The following ITIH6 variants were observed in gnomAD, a reference collection of about 807,000 sequenced individuals.
ITIH6 encodes the protein inter-alpha-trypsin inhibitor heavy chain H6.
ITIH6 carries 60 observed loss-of-function variants against 58.2 expected under a neutral mutation model. That is an observed-to-expected ratio of 1.03 (90% confidence interval 0.84 to 1.28). ITIH6 has a LOEUF of 1.28. ITIH6 is among the 50% of genes most tolerant of loss of function. The pLI, the probability that ITIH6 is intolerant of heterozygous loss-of-function variation, is 0.00. For synonymous variants in ITIH6, 493 were observed against 417.4 expected, an observed-to-expected ratio of 1.18 and a Z score of -2.21; for missense variants, 1,290 against 1,021.1, an observed-to-expected ratio of 1.26 and a Z score of -3.59.
chrX:54,753,798 G>T, intron 10 of ITIH6, 34 bp from the exon 11 acceptor site: 1 of 1,133,711 alleles, frequency 8.8e-7, no homozygotes, highest in Non-Finnish European at 1.2e-6. Context: ...TAAAGTTAAA[G>T]GAATAAATGG....
Position 54,758,050 on chromosome X carries a change from G to A in ITIH6, c.2024C>T (p.Thr675Ile), listed in dbSNP as rs1225680541. The A allele has an allele frequency of 8.3e-7, 1 of 1,209,474 alleles. No individual in the cohort carries two copies. The highest frequency in any genetic ancestry group is 3.0e-5 in the East Asian group (1 of 33,775). Residue 675 changes from threonine (T) to isoleucine (I), a missense_variant, in exon 8 of 13, where the codon ACT becomes ATT. Physicochemically the swap from Thr to Ile is moderately conservative, Grantham distance 89. Coordinates refer to ENST00000218436, the MANE Select transcript of ITIH6 (RefSeq NM_198510.3). ...KPKFYLSSTT[T>I]ASTKKMLSSK... ...ACTTAGCATCTTCTTGGTAGAGGCA[G>A]TAGTAGTTGAGGATAAGTAGAACTT...
At chrX:54,770,480 C>T (rs940250313) in intron 6 of ITIH6, among the ~76,000 whole-genome samples, 3 of 112,575 alleles carry the variant, frequency 2.7e-5, no homozygotes, top group Non-Finnish European at 3.8e-5. Flanking sequence ...TACATGATCC[C>T]GTTTTATCTT....
At position 54,757,557 on chromosome X, in the gene ITIH6, G is replaced by C; in HGVS notation, c.2517C>G (p.His839Gln). 8.3e-7 allele frequency: 1 copy of C among 1,210,368 alleles called. No homozygotes were observed. The highest frequency in any genetic ancestry group is 1.1e-6 in the Non-Finnish European group (1 of 894,522). Residue 839 changes from histidine (H) to glutamine (Q), a missense_variant, in exon 8 of 13, where the codon CAC becomes CAG. His to Gln is a conservative substitution (Grantham distance 24). Coordinates refer to ENST00000218436, the MANE Select transcript of ITIH6 (RefSeq NM_198510.3). ...PAPKTRNNMP[H>Q]LGPGILLSKT... ...TGGACAAGAGGATTCCAGGCCCCAG[G>C]TGTGGCATGTTGTTTCGGGTCTTGG... is the stretch of plus-strand genomic sequence containing the variant.
At chrX:54,776,625 ACCAGTAAGAGTCGCGAGG>A (rs975806528) in intron 5 of ITIH6, among the ~76,000 whole-genome samples, 7 of 110,722 alleles carry the variant, frequency 6.3e-5, no homozygotes, top group Admixed American at 1.9e-4. Context: ...AGGATAGGGC[ACCAGTAAGAGTCGCGAGG>A]CCCCCTTTCC....
chrX:54,761,738 A>G (rs1231425286), intron 6 of ITIH6, among the ~76,000 whole-genome samples: 1 of 111,050 alleles, frequency 9.0e-6, no homozygotes, highest in African/African-American at 3.3e-5. Flanking sequence ...GTCAAAGATC[A>G]GATGGTTGTA....
chrX:54,762,716 A>G (rs897781055), intron 6 of ITIH6, among the ~76,000 whole-genome samples: 1 of 111,921 alleles, frequency 8.9e-6, no homozygotes, highest in African/African-American at 3.3e-5. Context: ...TACATGAAAT[A>G]TTTTTACTTT....
At chrX:54,789,144 C>T (rs188626720) in intron 4 of ITIH6, among the ~76,000 whole-genome samples, 4 of 112,060 alleles carry the variant, frequency 3.6e-5, no homozygotes, top group East Asian at 2.8e-4. Flanking sequence ...TCCTCTGGGT[C>T]GGATTTCATA....
chrX:54,791,810 A>G, intron 3 of ITIH6, 116 bp downstream of exon 3: 1 of 441,454 alleles, frequency 2.3e-6, no homozygotes, highest in Non-Finnish European at 4.0e-6. Flanking sequence ...CCTGTGAAGT[A>G]GAGGTCATGT....
At chrX:54,797,806 T>G (rs1929470597) in intron 1 of ITIH6, among the ~76,000 whole-genome samples, 1 of 111,304 alleles carries the variant, frequency 9.0e-6, no homozygotes, top group Non-Finnish European at 1.9e-5. Flanking sequence ...TGATTTGAGA[T>G]CAGACGGTTC....
chrX:54,789,109 G>A (rs182864331), intron 4 of ITIH6, among the ~76,000 whole-genome samples: 294 of 112,230 alleles, frequency 2.6e-3, no homozygotes, highest in African/African-American at 8.9e-3. Flanking sequence ...CCACTGCTGT[G>A]GGAAACAGCA....
rs1484494347 is a variant in ITIH6 at position 54,774,203 on chromosome X, C to T, written c.787-6G>A. The T allele has an allele frequency of 3.1e-6, 2 of 649,240 alleles. No homozygotes were observed. Among genetic ancestry groups the T allele is most frequent in the Admixed American group, 4.7e-5 (1 of 21,372 alleles). The allele number at this position is 649,240 out of a possible 1,213,427, so 53.5% of individuals were successfully genotyped here. A position where few individuals can be genotyped will look rare whatever the true frequency, so the allele number is the denominator to read the frequency against. ...ATGAAATAGTCATCGTAAATCTGGA[C>T]CAAAAAAAAAAAAAAAAAAGTAGAA... On this transcript the variant is annotated splice_polypyrimidine_tract_variant and splice_region_variant and intron_variant, in intron 5 of 12. Transcript: ENST00000218436.
Position 54,758,854 on chromosome X carries a change from G to A in ITIH6, c.1220C>T (p.Pro407Leu), listed in dbSNP as rs143487597. The part of the protein sequence containing the change: ...DGEPTAGVTT[P>L]SVILSNVRQA... ...ACGGACATTGGAGAGGATCACACTG[G>A]GGGTCGTCACGCCGGCCGTGGGCTC... The change falls in exon 8 of 13, where the codon CCC becomes CTC. Residue 407 changes from proline (P) to leucine (L), a missense_variant. By Grantham distance (98) the Pro-to-Leu change is moderately conservative. Coordinates refer to ENST00000218436, the MANE Select transcript of ITIH6 (RefSeq NM_198510.3). The A allele has an allele frequency of 1.5e-4, 187 of 1,209,663 alleles. No individual in the cohort carries two copies. The highest frequency in any genetic ancestry group is 1.1e-4 in the Non-Finnish European group (94 of 895,165).
chrX:54,754,241 A>G (rs772596703), intron 9 of ITIH6, among the ~76,000 whole-genome samples: 137 of 111,381 alleles, frequency 1.2e-3, no homozygotes, highest in African/African-American at 4.1e-3. Context: ...ATGAATTTCT[A>G]GTTATCCTTC....
At chrX:54,764,138 C>A (rs1437363966) in intron 6 of ITIH6, among the ~76,000 whole-genome samples, 1 of 111,650 alleles carries the variant, frequency 9.0e-6, no homozygotes, top group Non-Finnish European at 1.9e-5. Flanking sequence ...ATTTTATTAT[C>A]CACACTGAGA....
At position 54,784,803 on chromosome X, in the gene ITIH6, A is replaced by C. The variant is rs764223804; in HGVS notation, c.786+3677T>G. Among the ~76,000 whole-genome samples, 148 of 111,744 alleles carry C rather than the reference A, an allele frequency of 1.3e-3. 1 individual carries two copies. The highest frequency in any genetic ancestry group is 4.3e-3 in the African/African-American group (131 of 30,794). Reference sequence around the variant, plus strand: ...TTGGAGGCTCCTCAATAAACTAAAAATTAGGGCTTCATCATACAATCCGGC... The same window carrying C: ...TTGGAGGCTCCTCAATAAACTAAAACTTAGGGCTTCATCATACAATCCGGC... On this transcript the variant is annotated intron_variant, in intron 5 of 12. Coordinates refer to ENST00000218436, the MANE Select transcript of ITIH6 (RefSeq NM_198510.3).
intron 9 of ITIH6, among the ~76,000 whole-genome samples, chrX:54,754,569 T>C (rs1379491449): frequency 9.0e-6 from 1 of 111,571 alleles, no homozygotes; most frequent in Non-Finnish European, 1.9e-5. Context: ...CCTTTGAAGA[T>C]GGAGGGGGAC....
intron 6 of ITIH6, among the ~76,000 whole-genome samples, chrX:54,762,065 C>T (rs1928658395): frequency 8.9e-6 from 1 of 111,761 alleles, no homozygotes; most frequent in Non-Finnish European, 1.9e-5. Context: ...TCTTCCTATC[C>T]ATGAGCATGG....
chrX:54,772,360 C>T (rs774479057), intron 6 of ITIH6, among the ~76,000 whole-genome samples: 3 of 111,624 alleles, frequency 2.7e-5, no homozygotes, highest in Admixed American at 9.5e-5. Context: ...GGTGGAAGTT[C>T]GGAGAAGAGT....
intron 6 of ITIH6, among the ~76,000 whole-genome samples, chrX:54,771,829 T>TA (rs976868366): frequency 2.2e-4 from 24 of 109,740 alleles, no homozygotes; most frequent in African/African-American, 4.3e-4. Flanking sequence ...ATTAAATAGT[T>TA]AAAAAAAAAC....
Sources: allele counts gnomAD v4.1 joint callset (sites outside exome capture counted in the v4.1 genomes callset), GRCh38; gene constraint gnomAD v4.1.1; transcripts MANE v1.5; gene names NCBI Gene and HGNC (gene_info 2026-07-23, HGNC 2026-07-21).